The following DNMT3A variants were observed in gnomAD, a reference collection of about 807,000 sequenced individuals.
DNMT3A encodes the protein DNA methyltransferase 3 alpha.
A neutral mutation model predicts 117.6 loss-of-function variants in DNMT3A; 267 were observed. The observed-to-expected ratio is 2.27, with a 90% CI of 2.05 to 2.51. The LOEUF (loss-of-function observed/expected upper bound fraction) is 2.51. Ranked by LOEUF, DNMT3A falls within the 30% of genes most tolerant of loss-of-function variation. DNMT3A has a pLI of 0.00. For missense variants in DNMT3A, 1,029 were observed against 1,260.2 expected, an observed-to-expected ratio of 0.82 and a Z score of 2.78; for synonymous variants, 432 against 474.8, an observed-to-expected ratio of 0.91 and a Z score of 1.17.
chr2:25,296,498 T>TC lies in DNMT3A; in HGVS notation c.177+3640dup, dbSNP rs1301756071. The stretch of plus-strand genomic sequence containing the variant: ...AGATCTTGTCCCCTAAAAAATGGAG[T>TC]CCCGGGGGGTTCCTGAAGAAGGACG... On this transcript the variant is annotated intron_variant, in intron 3 of 22. Transcript: ENST00000321117. The surrounding 1 kb of genome is among the most constrained non-coding windows in gnomAD (Gnocchi z 4.2). Among the ~76,000 whole-genome samples the TC allele has an allele frequency of 1.3e-5, 2 of 151,804 alleles. No individual in the cohort carries two copies. The highest frequency in any genetic ancestry group is 2.9e-5 in the Non-Finnish European group (2 of 67,970).
At chr2:25,265,727 G>C (rs764128618) in intron 6 of DNMT3A, among the ~76,000 whole-genome samples, 1 of 151,752 alleles carries the variant, frequency 6.6e-6, no homozygotes, top group African/African-American at 2.4e-5. Flanking sequence ...GCTGGGGCAG[G>C]AGAATCGCTT....
At chr2:25,272,685 C>A (rs1378484211) in intron 6 of DNMT3A, among the ~76,000 whole-genome samples, 1 of 152,166 alleles carries the variant, frequency 6.6e-6, no homozygotes, top group African/African-American at 2.4e-5. Flanking sequence ...CCTCCCAGAC[C>A]TCAGACAGGC....
rs747716263 is a variant in DNMT3A, at chr2:25,240,354, T to A, written c.2270A>T (p.Asn757Ile). 1 of 1,614,166 alleles carries A rather than the reference T, an allele frequency of 6.2e-7. No individual in the cohort carries two copies. Among genetic ancestry groups the A allele is most frequent in the Non-Finnish European group, 8.5e-7 (1 of 1,180,022 alleles). ...GTCACTAACGCCCATGGCCACCACA[T>A]TCTCAAAGAGCCAGAAGAAGGGGCG... Reference protein sequence around the residue: ...DDRPFFWLFENVVAMGVSDKR... With the variant: ...DDRPFFWLFEIVVAMGVSDKR... Residue 757 changes from asparagine (N) to isoleucine (I), a missense_variant, in exon 19 of 23, where the codon AAT becomes ATT. Asn to Ile is a moderately radical substitution (Grantham distance 149). Transcript: ENST00000321117.
chr2:25,335,021 T>C (rs2035155054), intron 1 of DNMT3A, among the ~76,000 whole-genome samples: 1 of 152,254 alleles, frequency 6.6e-6, no homozygotes, highest in African/African-American at 2.4e-5. Context: ...CAAAAACTTG[T>C]TGACAGGTTT....
Position 25,273,079 on chromosome 2 carries a change from A to AT in DNMT3A, c.639+1861dup, listed in dbSNP as rs534751047. 4.1e-3 allele frequency among the ~76,000 whole-genome samples: 614 copies of AT among 148,050 alleles called. 5 individuals are homozygous for AT. The highest frequency in any genetic ancestry group is 0.014 in the African/African-American group (560 of 39,800). On this transcript the variant is annotated intron_variant, in intron 6 of 22. Transcript: ENST00000321117. ...AACCTCCGCCTCCCGGGTTCAAGTG[A>AT]TTCTCCTGCCTCAGTCTCCTGAGTA...
At position 25,240,452 on chromosome 2, in the gene DNMT3A, T is replaced by G. The variant is rs772010891; in HGVS notation, c.2174-2A>C. ...CAAAGAAGAGCCGGCCAGTGCCCTCTGAGAGGTCGGAAGAGAAAGCCATCA... is the reference window on the plus strand; with the variant it reads ...CAAAGAAGAGCCGGCCAGTGCCCTCGGAGAGGTCGGAAGAGAAAGCCATCA... On this transcript the variant is annotated splice_acceptor_variant, in intron 18 of 22. Coordinates refer to ENST00000321117, the MANE Select transcript of DNMT3A (RefSeq NM_022552.5). LOFTEE classifies it high-confidence loss of function. The G allele has an allele frequency of 6.2e-7, 1 of 1,603,088 alleles. No individual in the cohort carries two copies. The highest frequency in any genetic ancestry group is 8.5e-7 in the Non-Finnish European group (1 of 1,174,640).
intron 4 of DNMT3A, among the ~76,000 whole-genome samples, chr2:25,280,637 A>C (rs1465718058): frequency 3.3e-5 from 5 of 152,046 alleles, no homozygotes; most frequent in Non-Finnish European, 7.4e-5. Context: ...TCATCTTTTT[A>C]AGGGTGGATT....
At chr2:25,245,052 G>A (rs1056625592) in intron 13 of DNMT3A, among the ~76,000 whole-genome samples, 4 of 152,234 alleles carry the variant, frequency 2.6e-5, no homozygotes, top group Admixed American at 6.5e-5. Context: ...ATCTTTCAGA[G>A]GAGAAAAATG....
rs1672848673 is a variant in DNMT3A at position 25,230,999 on chromosome 2, C to T, written c.*3280G>A. ...TACCAAGTCTCTTCCCAAGTCCCAA[C>T]ACCAACCCTTTGGTTGGAGCACCAG... is the stretch of plus-strand genomic sequence containing the variant. On this transcript the variant is annotated 3_prime_UTR_variant, in exon 23 of 23. Transcript: ENST00000321117. 1.3e-5 allele frequency: 2 copies of T among 152,300 alleles called. No individual in the cohort carries two copies. Among genetic ancestry groups the T allele is most frequent in the African/African-American group, 4.8e-5 (2 of 41,468 alleles). The allele number at this position is 152,300 out of a possible 1,614,324, so 9.4% of individuals were successfully genotyped here. A position where few individuals can be genotyped will look rare whatever the true frequency, so the allele number is the denominator to read the frequency against.
At position 25,281,243 on chromosome 2, in the gene DNMT3A, G is replaced by T. The variant is rs2031868667; in HGVS notation, c.448+1198C>A. 6.6e-6 allele frequency among the ~76,000 whole-genome samples: 1 copy of T among 152,156 alleles called. No individual in the cohort carries two copies. The highest frequency in any genetic ancestry group is 2.1e-4 in the South Asian group (1 of 4,822). The stretch of plus-strand genomic sequence containing the variant: ...CCAGGACTGAATGAGCCCTGGATCT[G>T]CCACTTAAGGTTGGGGCTCCATGAG... On this transcript the variant is annotated intron_variant, in intron 4 of 22. Coordinates refer to ENST00000321117, the MANE Select transcript of DNMT3A (RefSeq NM_022552.5). This position sits in a 1 kb window ranked among gnomAD's most constrained non-coding sequence, Gnocchi z 4.8.
intron 2 of DNMT3A, among the ~76,000 whole-genome samples, chr2:25,308,171 G>A (rs1217194796): frequency 2.6e-5 from 4 of 152,146 alleles, no homozygotes; most frequent in Admixed American, 1.3e-4. Context: ...TAGGTAGGTA[G>A]GTAGGTAGGC....
chr2:25,267,206 C>T (rs1268022542), intron 6 of DNMT3A, among the ~76,000 whole-genome samples: 1 of 152,156 alleles, frequency 6.6e-6, no homozygotes, highest in Non-Finnish European at 1.5e-5. Context: ...TATATATTTA[C>T]ACGCATACAC....
Position 25,236,383 on chromosome 2 carries a change from G to T in DNMT3A, c.2478+553C>A, listed in dbSNP as rs1007733166. Among the ~76,000 whole-genome samples the T allele has an allele frequency of 1.3e-5, 2 of 152,216 alleles. No homozygotes were observed. Among genetic ancestry groups the T allele is most frequent in the Non-Finnish European group, 2.9e-5 (2 of 68,034 alleles). Reference sequence around the variant, plus strand: ...CCCGGCCTAGCCACAGACTTTAGAAGTAGAAGCTGTAGCCACTGTACTTTC... The same window carrying T: ...CCCGGCCTAGCCACAGACTTTAGAATTAGAAGCTGTAGCCACTGTACTTTC... On this transcript the variant is annotated intron_variant, in intron 21 of 22. Coordinates refer to ENST00000321117, the MANE Select transcript of DNMT3A (RefSeq NM_022552.5). This position sits in a 1 kb window ranked among gnomAD's most constrained non-coding sequence, Gnocchi z 4.5.
rs572153377 is a variant in DNMT3A at position 25,233,275 on chromosome 2, C to T, written c.*1004G>A. On this transcript the variant is annotated 3_prime_UTR_variant, in exon 23 of 23. Transcript: ENST00000321117. ...GCTCCCAAGTTCTCCTCCTTCACTT[C>T]GTTACAAACCAAGGGGAAGAGCCCA... is the stretch of plus-strand genomic sequence containing the variant. 20 of 233,754 alleles carry T rather than the reference C, an allele frequency of 8.6e-5. No individual in the cohort carries two copies. Among genetic ancestry groups the T allele is most frequent in the African/African-American group, 3.5e-4 (16 of 45,432 alleles). The allele number at this position is 233,754 out of a possible 1,614,324, so 14.5% of individuals were successfully genotyped here.
Position 25,237,012 on chromosome 2 carries a change from G to A in DNMT3A, c.2409-7C>T. 6.2e-7 allele frequency: 1 copy of A among 1,613,456 alleles called. No homozygotes were observed. The highest frequency in any genetic ancestry group is 8.5e-7 in the Non-Finnish European group (1 of 1,179,900). On this transcript the variant is annotated splice_region_variant and splice_polypyrimidine_tract_variant and intron_variant, in intron 20 of 22. Transcript: ENST00000321117. The surrounding 1 kb of genome is among the most constrained non-coding windows in gnomAD (Gnocchi z 5.4). ...CACAGTGGATGCCAACGGCCTAGGA[G>A]GCAGAAGAGAGACTGTAACAACAGA... is the stretch of plus-strand genomic sequence containing the variant.
chr2:25,239,389 C>T (rs1171366158), intron 19 of DNMT3A, 174 bp from the exon 20 acceptor site: 1 of 670,454 alleles, frequency 1.5e-6, no homozygotes. Flanking sequence ...AGCCACATTC[C>T]ACAAGCTGTC....
At position 25,252,115 on chromosome 2, in the gene DNMT3A, G is replaced by A; in HGVS notation, c.640-3863C>T. 4 of 1,521,324 alleles carry A rather than the reference G, an allele frequency of 2.6e-6. No individual in the cohort carries two copies. The highest frequency in any genetic ancestry group is 3.5e-6 in the Non-Finnish European group (4 of 1,128,686). The allele number at this position is 1,521,324 out of a possible 1,614,324, so 94.2% of individuals were successfully genotyped here. On this transcript the variant is annotated intron_variant, in intron 6 of 22. Transcript: ENST00000321117. This position sits in a 1 kb window ranked among gnomAD's most constrained non-coding sequence, Gnocchi z 5.5. ...GGCATACTTCACTCTTTTCAAACCCGGAGGGCTGCGGAGATCCTCCCACCG... is the reference window on the plus strand; with the variant it reads ...GGCATACTTCACTCTTTTCAAACCCAGAGGGCTGCGGAGATCCTCCCACCG...
At chr2:25,273,052 G>T (rs2031079732) in intron 6 of DNMT3A, among the ~76,000 whole-genome samples, 1 of 141,436 alleles carries the variant, frequency 7.1e-6, no homozygotes, top group South Asian at 2.2e-4. Flanking sequence ...TCAGCTCACT[G>T]CAACCTCCGC....
intron 20 of DNMT3A, among the ~76,000 whole-genome samples, chr2:25,238,115 A>G (rs1673565595): frequency 6.6e-6 from 1 of 152,244 alleles, no homozygotes; most frequent in South Asian, 2.1e-4. Flanking sequence ...GAAATCCCAC[A>G]GGACCAAGGT....
Sources: allele counts gnomAD v4.1 joint callset (sites outside exome capture counted in the v4.1 genomes callset), GRCh38; gene constraint gnomAD v4.1.1; non-coding constraint Gnocchi (gnomAD v3.1); transcripts MANE v1.5; gene names NCBI Gene and HGNC (gene_info 2026-07-23, HGNC 2026-07-21).